The following ANAPC4 variants were observed in gnomAD, a reference collection of about 807,000 sequenced individuals.
ANAPC4 encodes anaphase promoting complex subunit 4.
A neutral mutation model predicts 119.8 loss-of-function variants in ANAPC4; 63 were observed. That is an observed-to-expected ratio of 0.53 (90% CI 0.43 to 0.65). The LOEUF is 0.65. Among genes scored for constraint, ANAPC4 ranks in the 30% least tolerant of loss-of-function variants. ANAPC4 has a pLI of 0.00. For missense variants in ANAPC4, 716 were observed against 945.1 expected (o/e 0.76, Z 3.18); for synonymous variants, 283 against 318.6 (o/e 0.89, Z 1.19).
At chr4:25,394,012 A>G (rs1207477007) in intron 11 of ANAPC4, 121 bp downstream of exon 11, 2 of 864,916 alleles carry the variant, frequency 2.3e-6, no homozygotes, top group African/African-American at 1.8e-5. Flanking sequence ...ATTTCTTTCA[A>G]ATGGCTTCGT....
At chr4:25,396,821 T>A (rs1389781106) in intron 15 of ANAPC4, 27 bp from the exon 16 acceptor site, 1 of 1,609,288 alleles carries the variant, frequency 6.2e-7, no homozygotes, top group South Asian at 1.1e-5. Context: ...ATTTGACAAA[T>A]GACGTTTATT....
intron 7 of ANAPC4, among the ~76,000 whole-genome samples, chr4:25,389,245 G>A (rs908743564): frequency 8.1e-5 from 12 of 147,260 alleles, no homozygotes; most frequent in Admixed American, 3.5e-4. Flanking sequence ...TGCAACCTCC[G>A]CCTTCCTGGT....
intron 16 of ANAPC4, among the ~76,000 whole-genome samples, chr4:25,402,057 T>G (rs1186250306): frequency 2.0e-5 from 3 of 152,222 alleles, no homozygotes; most frequent in African/African-American, 7.2e-5. Context: ...GATGTTGGTC[T>G]GGTGGCCTGG....
chr4:25,414,699 CAGTA>C lies in ANAPC4; in HGVS notation c.1826+4_1826+7del, dbSNP rs1463890523. ...CTTAAGGAGACATACTGATATTTCT[CAGTA>C]AGTATTAATCTGAAGTTTGAATCAA... On this transcript the variant is annotated splice_donor_variant and splice_donor_region_variant and coding_sequence_variant and intron_variant, in exon 25 of 29. Transcript: ENST00000315368. LOFTEE classifies it high-confidence loss of function. The C allele has an allele frequency of 6.6e-7, 1 of 1,514,354 alleles. No individual in the cohort carries two copies. The highest frequency in any genetic ancestry group is 8.9e-7 in the Non-Finnish European group (1 of 1,123,028). 93.8% of individuals were successfully genotyped at this position (1,514,354 alleles called of 1,614,324 possible).
At chr4:25,414,780 T>C in intron 25 of ANAPC4, 80 bp downstream of exon 25, 1 of 1,271,262 alleles carries the variant, frequency 7.9e-7, no homozygotes, top group Non-Finnish European at 1.0e-6. Flanking sequence ...CTTCCAGCAT[T>C]TCAGATTTTA....
intron 26 of ANAPC4, 96 bp downstream of exon 26, chr4:25,415,636 G>A: frequency 2.0e-6 from 2 of 1,023,894 alleles, no homozygotes; most frequent in South Asian, 1.6e-5. Flanking sequence ...GGTAATATAG[G>A]TAAAAGGGCT....
At chr4:25,382,077 G>C (rs1721762340) in intron 3 of ANAPC4, among the ~76,000 whole-genome samples, 1 of 151,880 alleles carries the variant, frequency 6.6e-6, no homozygotes, top group Non-Finnish European at 1.5e-5. Context: ...TCAAAAGACA[G>C]TTATTTGGTG....
intron 4 of ANAPC4, among the ~76,000 whole-genome samples, chr4:25,386,087 A>G (rs919004855): frequency 1.3e-5 from 2 of 151,110 alleles, no homozygotes; most frequent in Admixed American, 6.6e-5. Flanking sequence ...CTAATTTTGT[A>G]TTTTTAGTAG....
chr4:25,413,847 G>T (rs1936421496), intron 22 of ANAPC4, 105 bp downstream of exon 22: 19 of 893,814 alleles, frequency 2.1e-5, no homozygotes, highest in Non-Finnish European at 3.3e-5. Context: ...CTATGAAAAT[G>T]TTGATAGTCA....
intron 14 of ANAPC4, 27 bp from the exon 15 acceptor site, chr4:25,396,637 T>G: frequency 6.7e-7 from 1 of 1,499,302 alleles, no homozygotes; most frequent in Non-Finnish European, 9.1e-7. Context: ...GTCATGATAC[T>G]AATTTATTTC....
chr4:25,393,428 G>C (rs28402264), intron 10 of ANAPC4, among the ~76,000 whole-genome samples: 1 of 151,996 alleles, frequency 6.6e-6, no homozygotes, highest in Admixed American at 6.6e-5. Flanking sequence ...TTGGGAGGCT[G>C]AGGCAGGTGG....
At chr4:25,392,442 T>C in intron 10 of ANAPC4, 21 bp downstream of exon 10, 1 of 1,573,790 alleles carries the variant, frequency 6.4e-7, no homozygotes, top group Non-Finnish European at 8.7e-7. Context: ...AGAGCTTGTT[T>C]TATGTGAATA....
chr4:25,394,614 G>A (rs1245237760), intron 12 of ANAPC4, 57 bp from the exon 13 acceptor site: 4 of 1,495,644 alleles, frequency 2.7e-6, no homozygotes, highest in Middle Eastern at 2.0e-4. Context: ...AGTTGTAAGT[G>A]ATGCATTCAG....
chr4:25,417,762 G>A, intron 28 of ANAPC4, 23 bp downstream of exon 28: 1 of 1,588,832 alleles, frequency 6.3e-7, no homozygotes, highest in Non-Finnish European at 8.5e-7. Context: ...AGATCGTTCA[G>A]CAACTAAGAA....
At chr4:25,380,608 T>A (rs1473464323) in intron 3 of ANAPC4, 129 bp downstream of exon 3, 8 of 539,692 alleles carry the variant, frequency 1.5e-5, no homozygotes, top group East Asian at 9.8e-5. Context: ...GGGAACTTTT[T>A]AAAAAAAATG....
intron 9 of ANAPC4, among the ~76,000 whole-genome samples, chr4:25,392,073 C>G (rs1287882009): frequency 6.6e-6 from 1 of 152,076 alleles, no homozygotes; most frequent in Non-Finnish European, 1.5e-5. Flanking sequence ...TTAAACATTT[C>G]TTTGTAATAC....
chr4:25,405,597 A>G lies in ANAPC4; in HGVS notation c.1295A>G (p.His432Arg), dbSNP rs1046757731. The change falls in exon 18 of 29, where the codon CAT becomes CGT. Residue 432 changes from histidine (H) to arginine (R), a missense_variant. His to Arg is a conservative substitution (Grantham distance 29). Coordinates refer to ENST00000315368, the MANE Select transcript of ANAPC4 (RefSeq NM_013367.3). This position sits in a 1 kb window ranked among gnomAD's most constrained non-coding sequence, Gnocchi z 4.6. The stretch of plus-strand genomic sequence containing the variant: ...GCAATGTTGAGAATGACAGAAGACC[A>G]TGTGCTTCCCGAGCTGAATAAGGTA... ...YVAMLRMTED[H>R]VLPELNKMTQ... 3 of 1,613,704 alleles carry G rather than the reference A, an allele frequency of 1.9e-6. No individual in the cohort carries two copies. The highest frequency in any genetic ancestry group is 1.6e-4 in the Middle Eastern group (1 of 6,062).
At chr4:25,406,750 A>G (rs1298560501) in intron 18 of ANAPC4, 79 bp from the exon 19 acceptor site, 8 of 1,104,120 alleles carry the variant, frequency 7.2e-6, no homozygotes, top group Non-Finnish European at 1.0e-5. Flanking sequence ...AAAATGTCAC[A>G]TTTATAATTA....
chr4:25,413,635 T>G lies in ANAPC4; in HGVS notation c.1526-10T>G. 6.3e-7 allele frequency: 1 copy of G among 1,597,010 alleles called. No individual in the cohort carries two copies. The highest frequency in any genetic ancestry group is 8.5e-7 in the Non-Finnish European group (1 of 1,172,142). ...CTTTTATTTTTGTTTCTGTTTTTGT[T>G]TGAAACCAGAAAGTCCTTTGCTGTT... On this transcript the variant is annotated splice_polypyrimidine_tract_variant and intron_variant, in intron 21 of 28. Transcript: ENST00000315368.
Sources: allele counts gnomAD v4.1 joint callset (sites outside exome capture counted in the v4.1 genomes callset), GRCh38; gene constraint gnomAD v4.1.1; non-coding constraint Gnocchi (gnomAD v3.1); transcripts MANE v1.5; gene names NCBI Gene and HGNC (gene_info 2026-07-23, HGNC 2026-07-21).